ASB15: variants seen among roughly 807,000 people sequenced by gnomAD.
ASB15 encodes ankyrin repeat and SOCS box protein 15.
A neutral mutation model predicts 58.0 loss-of-function variants in ASB15; 54 were observed. That is an observed-to-expected ratio of 0.93 (90% confidence interval 0.75 to 1.17). The LOEUF is 1.17. Among genes scored for constraint, ASB15 ranks in the 50% most tolerant of loss-of-function variants. ASB15 has a pLI of 0.00. For synonymous variants in ASB15, 249 were observed against 262.4 expected, an observed-to-expected ratio of 0.95 and a Z score of 0.50; for missense variants, 680 against 707.4, an observed-to-expected ratio of 0.96 and a Z score of 0.44.
chr7:123,608,778 A>G (rs543793278), intron 3 of ASB15, 124 bp downstream of exon 3: 1 of 152,278 alleles, frequency 6.6e-6, no homozygotes, highest in African/African-American at 2.4e-5. Flanking sequence ...CATTCATGTG[A>G]TTTGCCACTT....
At chr7:123,600,497 T>C (rs558929403), upstream of ASB15, among the ~76,000 whole-genome samples, 4 of 152,296 alleles carry the variant, frequency 2.6e-5, no homozygotes, top group Non-Finnish European at 5.9e-5. Context: ...TTTCTAATAT[T>C]GTAAGTAAAA....
At chr7:123,571,779 C>A (rs547249258) in intron 1 of ASB15, among the ~76,000 whole-genome samples, 67 of 151,992 alleles carry the variant, frequency 4.4e-4, no homozygotes, top group African/African-American at 1.5e-3. Context: ...TAATATAGTC[C>A]CACTTGTCTA....
At chr7:123,595,831 G>A (rs1799677099) in intron 1 of ASB15, among the ~76,000 whole-genome samples, 1 of 152,148 alleles carries the variant, frequency 6.6e-6, no homozygotes, top group South Asian at 2.1e-4. Context: ...CACTGTGGGT[G>A]AATGGGCCAT....
At chr7:123,603,763 C>T (rs1413663250) in intron 1 of ASB15, among the ~76,000 whole-genome samples, 1 of 152,138 alleles carries the variant, frequency 6.6e-6, no homozygotes, top group Non-Finnish European at 1.5e-5. Context: ...TAAATAGAGT[C>T]CAATAGGGTC....
intron 3 of ASB15, among the ~76,000 whole-genome samples, chr7:123,610,464 G>A (rs1309035698): frequency 6.6e-6 from 1 of 152,140 alleles, no homozygotes; most frequent in Non-Finnish European, 1.5e-5. Context: ...CTGAATTAAG[G>A]ATTTAACATA....
At chr7:123,635,664 C>G (rs1802388926) in intron 11 of ASB15, among the ~76,000 whole-genome samples, 1 of 135,664 alleles carries the variant, frequency 7.4e-6, no homozygotes, top group Admixed American at 8.3e-5. Context: ...AGAATAAGGC[C>G]AGGAAGTTTT....
intron 1 of ASB15, among the ~76,000 whole-genome samples, chr7:123,573,288 C>CTTTTT (rs35889563): frequency 8.5e-6 from 1 of 117,900 alleles, no homozygotes; most frequent in Non-Finnish European, 1.8e-5. Flanking sequence ...TCTGGATTTG[C>CTTTTT]TTTTTTTTTT....
At chr7:123,617,109 T>A (rs901930990) in intron 6 of ASB15, among the ~76,000 whole-genome samples, 3 of 152,160 alleles carry the variant, frequency 2.0e-5, no homozygotes, top group Non-Finnish European at 2.9e-5. Context: ...TTCTGGGAGA[T>A]ACATACTTGA....
chr7:123,614,478 G>T, intron 3 of ASB15, 23 bp from the exon 4 acceptor site: 1 of 1,433,526 alleles, frequency 7.0e-7, no homozygotes, highest in Non-Finnish European at 9.8e-7. Context: ...ATAAGAACTT[G>T]TCTCGTTCAA....
At chr7:123,585,282 T>G (rs1009176979) in intron 1 of ASB15, among the ~76,000 whole-genome samples, 1 of 151,680 alleles carries the variant, frequency 6.6e-6, no homozygotes. Context: ...AATAAACTGT[T>G]TAACTGTTAA....
At chr7:123,624,431 A>G in intron 7 of ASB15, 138 bp from the exon 8 acceptor site, 1 of 777,942 alleles carries the variant, frequency 1.3e-6, no homozygotes, top group Non-Finnish European at 2.0e-6. Flanking sequence ...AAGGGATATG[A>G]GAAATACATT....
At chr7:123,597,442 G>T (rs571265644), upstream of ASB15, among the ~76,000 whole-genome samples, 75 of 152,158 alleles carry the variant, frequency 4.9e-4, no homozygotes, top group African/African-American at 1.5e-3. Flanking sequence ...TAAATTAAAC[G>T]TTATCATAAG....
At chr7:123,604,616 C>T (rs930522816) in intron 2 of ASB15, among the ~76,000 whole-genome samples, 3 of 151,808 alleles carry the variant, frequency 2.0e-5, no homozygotes, top group East Asian at 1.9e-4. Flanking sequence ...GAAGAAGCAC[C>T]GTGTGAGGAG....
At chr7:123,608,800 A>G (rs1266206685) in intron 3 of ASB15, 146 bp downstream of exon 3, 2 of 152,124 alleles carry the variant, frequency 1.3e-5, no homozygotes, top group African/African-American at 4.8e-5. Context: ...GTGCTATGCA[A>G]TTCTTTAAAA....
At chr7:123,569,811 C>T (rs945945337) in intron 1 of ASB15, among the ~76,000 whole-genome samples, 3 of 151,956 alleles carry the variant, frequency 2.0e-5, no homozygotes, top group South Asian at 4.2e-4. Context: ...GAGGCAAGCC[C>T]GTTAAGTATA....
chr7:123,588,822 T>C (rs1397326009), intron 1 of ASB15, among the ~76,000 whole-genome samples: 1 of 151,808 alleles, frequency 6.6e-6, no homozygotes, highest in East Asian at 1.9e-4. Context: ...GATTTCTTTT[T>C]TGACCCACTG....
intron 1 of ASB15, among the ~76,000 whole-genome samples, chr7:123,596,600 A>T (rs1411989789): frequency 6.6e-6 from 1 of 152,142 alleles, no homozygotes; most frequent in Non-Finnish European, 1.5e-5. Flanking sequence ...TGACAGAGGG[A>T]GACCCTGTCT....
chr7:123,606,860 A>T (rs1437850799), intron 2 of ASB15, among the ~76,000 whole-genome samples: 1 of 152,214 alleles, frequency 6.6e-6, no homozygotes, highest in African/African-American at 2.4e-5. Context: ...GTCAATGGAC[A>T]TTTAGGTTGT....
intron 1 of ASB15, among the ~76,000 whole-genome samples, chr7:123,591,509 A>G (rs1799535850): frequency 6.6e-6 from 1 of 152,100 alleles, no homozygotes; most frequent in Admixed American, 6.6e-5. Flanking sequence ...TTAACATGAA[A>G]GGCTGTTGAA....
Sources: allele counts gnomAD v4.1 joint callset (sites outside exome capture counted in the v4.1 genomes callset), GRCh38; gene constraint gnomAD v4.1.1; transcripts MANE v1.5; gene names NCBI Gene and HGNC (gene_info 2026-07-23, HGNC 2026-07-21).